The following MLLT10 variants were observed in gnomAD, a reference collection of about 807,000 sequenced individuals.
MLLT10 encodes MLLT10 histone lysine methyltransferase DOT1L cofactor, also known as protein AF-10.
Under a neutral mutation model 129.1 loss-of-function variants are expected in MLLT10, and 30 were observed. That is an observed-to-expected ratio of 0.23 (90% CI 0.17 to 0.32). The LOEUF (loss-of-function observed/expected upper bound fraction) is 0.32. Ranked by LOEUF, MLLT10 falls within the 10% of genes least tolerant of loss-of-function variation. The pLI, the probability that MLLT10 is intolerant of heterozygous loss-of-function variation, is 1.00. For synonymous variants in MLLT10, 490 were observed against 446.4 expected, an observed-to-expected ratio of 1.10 and a Z score of -1.23; for missense variants, 1,119 against 1,268.3, an observed-to-expected ratio of 0.88 and a Z score of 1.79.
At chr10:21,612,494 T>C (rs1265058394) in intron 6 of MLLT10, 43 bp downstream of exon 6, 8 of 1,225,964 alleles carry the variant, frequency 6.5e-6, no homozygotes, top group Non-Finnish European at 9.4e-6. Context: ...ACTTGGTAAA[T>C]ACCTTGTGTA....
chr10:21,703,701 C>T (rs1160993265), intron 13 of MLLT10, among the ~76,000 whole-genome samples: 1 of 151,962 alleles, frequency 6.6e-6, no homozygotes. Flanking sequence ...TGCACCACTA[C>T]CACCCGGCTA....
intron 13 of MLLT10, among the ~76,000 whole-genome samples, chr10:21,704,016 G>GT (rs60982595): frequency 0.14 from 7,904 of 56,534 alleles, 1,582 homozygotes; most frequent in African/African-American, 0.34. Flanking sequence ...ATTGTTTTTT[G>GT]TTTTTTTTTT....
Position 21,534,425 on chromosome 10 carries a change from G to A in MLLT10, c.-96G>A. The stretch of plus-strand genomic sequence containing the variant: ...GGGAAGACGCTGAGGAGGAGGAGGA[G>A]GCGGAGGAGGCGGTGGAGGGGAGGT... On this transcript the variant is annotated 5_prime_UTR_variant, in exon 1 of 23. Transcript: ENST00000307729. 2.1e-6 allele frequency: 1 copy of A among 483,888 alleles called. No homozygotes were observed. The highest frequency in any genetic ancestry group is 3.5e-5 in the South Asian group (1 of 28,830). The allele number at this position is 483,888 out of a possible 1,614,324, so 30.0% of individuals were successfully genotyped here. A position where few individuals can be genotyped will look rare whatever the true frequency, so the allele number is the denominator to read the frequency against.
intron 11 of MLLT10, among the ~76,000 whole-genome samples, chr10:21,675,188 G>C (rs1470251552): frequency 6.6e-6 from 1 of 152,196 alleles, no homozygotes; most frequent in Non-Finnish European, 1.5e-5. Flanking sequence ...AGATCACATA[G>C]CCAGGAGTTT....
chr10:21,706,362 G>A (rs1272872113), intron 13 of MLLT10, among the ~76,000 whole-genome samples: 3 of 152,218 alleles, frequency 2.0e-5, no homozygotes, highest in Non-Finnish European at 4.4e-5. Flanking sequence ...GCATATGTAA[G>A]TTAATCCTTG....
intron 13 of MLLT10, among the ~76,000 whole-genome samples, chr10:21,701,967 G>T (rs1208491907): frequency 6.6e-6 from 1 of 151,208 alleles, no homozygotes; most frequent in African/African-American, 2.4e-5. Context: ...TCACTGTATT[G>T]CCAGGTTGTA....
At chr10:21,708,562 TTGTG>T (rs796625088) in intron 13 of MLLT10, 1 of 984,162 alleles carries the variant, frequency 1.0e-6, no homozygotes, top group Non-Finnish European at 1.2e-6. Context: ...TCTGTTTTTT[TTGTG>T]TGTGTGTTTT....
At chr10:21,668,826 T>TA (rs1244452111) in intron 9 of MLLT10, 5 of 977,358 alleles carry the variant, frequency 5.1e-6, no homozygotes, top group Admixed American at 9.5e-5. Flanking sequence ...TCTACCCAAT[T>TA]TTCTCTCCAT....
chr10:21,732,832 A>G, intron 17 of MLLT10, 67 bp from the exon 18 acceptor site: 1 of 1,272,340 alleles, frequency 7.9e-7, no homozygotes, highest in Admixed American at 2.4e-5. Context: ...GGTTACCGGC[A>G]CTGCGTAAAA....
At chr10:21,668,973 T>C (rs1361585791) in intron 9 of MLLT10, 5 of 1,356,364 alleles carry the variant, frequency 3.7e-6, no homozygotes, top group Non-Finnish European at 4.9e-6. Flanking sequence ...ACTCAAGTAA[T>C]TGGAAAAAGT....
intron 8 of MLLT10, among the ~76,000 whole-genome samples, chr10:21,637,001 G>A (rs2047524154): frequency 6.6e-6 from 1 of 152,106 alleles, no homozygotes; most frequent in Admixed American, 6.6e-5. Context: ...GGCCTTAGTG[G>A]GTGTGGCGTT....
At chr10:21,675,127 C>G (rs1410626303) in intron 11 of MLLT10, among the ~76,000 whole-genome samples, 2 of 152,304 alleles carry the variant, frequency 1.3e-5, no homozygotes, top group East Asian at 3.9e-4. Flanking sequence ...GAGATGTCCT[C>G]ATTTTACAGC....
intron 8 of MLLT10, among the ~76,000 whole-genome samples, chr10:21,640,609 C>T (rs2047911093): frequency 1.3e-5 from 2 of 152,004 alleles, no homozygotes; most frequent in Admixed American, 6.6e-5. Flanking sequence ...AGGAGAGGAG[C>T]CCTGAGCTTA....
chr10:21,689,614 T>TAC lies in MLLT10; in HGVS notation c.1699+7358_1699+7359insCA, dbSNP rs1187088884. On this transcript the variant is annotated intron_variant, in intron 13 of 22. Coordinates refer to ENST00000307729, the MANE Select transcript of MLLT10 (RefSeq NM_001195626.3). ...AGCGTGTGTGTTTTATATATATATA[T>TAC]ATATACACACACACACACACACACA... 1.5e-3 allele frequency among the ~76,000 whole-genome samples: 215 copies of TAC among 141,108 alleles called. 1 individual carries two copies. The highest frequency in any genetic ancestry group is 5.3e-3 in the African/African-American group (198 of 37,400). The allele number at this position is 141,108 out of a possible 152,430, so 92.6% of individuals were successfully genotyped here.
intron 8 of MLLT10, among the ~76,000 whole-genome samples, chr10:21,623,315 C>T (rs1437261088): frequency 6.6e-6 from 1 of 152,148 alleles, no homozygotes; most frequent in East Asian, 1.9e-4. Flanking sequence ...TGGTGATCAG[C>T]GTCTATCCTC....
At chr10:21,621,907 A>T (rs1589276830) in intron 8 of MLLT10, among the ~76,000 whole-genome samples, 1 of 152,322 alleles carries the variant, frequency 6.6e-6, no homozygotes, top group African/African-American at 2.4e-5. Context: ...TTTTATATTT[A>T]ATATTAAATA....
chr10:21,580,120 G>A (rs2041243990), intron 3 of MLLT10, among the ~76,000 whole-genome samples: 1 of 151,178 alleles, frequency 6.6e-6, no homozygotes, highest in Non-Finnish European at 1.5e-5. Context: ...CCAGGCACAA[G>A]TGATCCTCCT....
intron 9 of MLLT10, among the ~76,000 whole-genome samples, chr10:21,665,304 G>A (rs532935856): frequency 5.0e-4 from 38 of 75,518 alleles, no homozygotes; most frequent in Admixed American, 1.1e-3. Context: ...TTTTTTTTGG[G>A]GGGGGGGGGG....
At chr10:21,610,294 A>T (rs1372690638) in intron 5 of MLLT10, among the ~76,000 whole-genome samples, 1 of 152,198 alleles carries the variant, frequency 6.6e-6, no homozygotes, top group Non-Finnish European at 1.5e-5. Context: ...TGAATCAGAG[A>T]CACTGGCAGC....
Sources: allele counts gnomAD v4.1 joint callset (sites outside exome capture counted in the v4.1 genomes callset), GRCh38; gene constraint gnomAD v4.1.1; transcripts MANE v1.5; gene names NCBI Gene and HGNC (gene_info 2026-07-23, HGNC 2026-07-21).